CYP4X1: variants seen among roughly 807,000 people sequenced by gnomAD.
The protein encoded by CYP4X1 is cytochrome P450 4X1.
A neutral mutation model predicts 57.9 loss-of-function variants in CYP4X1; 44 were observed. That is an observed-to-expected ratio of 0.76 (90% CI 0.60 to 0.98). The LOEUF (loss-of-function observed/expected upper bound fraction) is 0.98, where lower values mean the gene tolerates loss of function less well. Ranked by LOEUF, CYP4X1 falls within the 50% of genes least tolerant of loss-of-function variation. CYP4X1 has a pLI of 0.00. For missense variants in CYP4X1, 532 were observed against 623.9 expected (o/e 0.85, Z 1.57); for synonymous variants, 227 against 228.6 (o/e 0.99, Z 0.06).
chr1:47,007,001 G>T, the CYP4X1 span, among the ~76,000 whole-genome samples: 1 of 152,214 alleles, frequency 6.6e-6, no homozygotes, highest in Non-Finnish European at 1.5e-5. Flanking sequence ...CACCACTGGG[G>T]CAGGGCATAG....
In CYP4X1 at chr1:47,050,104, T is replaced by TC; in HGVS notation, c.1464dup (p.Asn489GlnfsTer20). 6.2e-7 allele frequency: 1 copy of TC among 1,614,036 alleles called. No individual in the cohort carries two copies. Among genetic ancestry groups the TC allele is most frequent in the Non-Finnish European group, 8.5e-7 (1 of 1,180,000 alleles). ...CCAGACCCCACCAGGCCTCTTACTT[T>TC]CCCCAACCATTTTATCCTCAAGCCC... On this transcript the variant is annotated frameshift_variant, in exon 12 of 12. Transcript: ENST00000371901. LOFTEE classifies it low-confidence loss of function (END_TRUNC).
At chr1:46,993,747 C>G in the CYP4X1 span, among the ~76,000 whole-genome samples, 1 of 152,282 alleles carries the variant, frequency 6.6e-6, no homozygotes, top group African/African-American at 2.4e-5. Context: ...AGTGTCTGTT[C>G]ATATCCTTTG....
chr1:46,975,991 A>G, the CYP4X1 span, among the ~76,000 whole-genome samples: 7,447 of 152,106 alleles, frequency 0.049, 550 homozygotes, highest in African/African-American at 0.15. Flanking sequence ...CAAGATGGCT[A>G]AATAGTAACA....
intron 8 of CYP4X1, among the ~76,000 whole-genome samples, chr1:47,043,973 CTA>C (rs1644274656): frequency 6.6e-6 from 1 of 152,130 alleles, no homozygotes; most frequent in African/African-American, 2.4e-5. Context: ...CGCATTCACT[CTA>C]TGTGTGTTCT....
the CYP4X1 span, among the ~76,000 whole-genome samples, chr1:47,008,304 T>A: frequency 6.6e-6 from 1 of 152,196 alleles, no homozygotes; most frequent in African/African-American, 2.4e-5. Context: ...CAACCCAGAA[T>A]TTCATATCCA....
At chr1:46,983,211 T>G in the CYP4X1 span, among the ~76,000 whole-genome samples, 1 of 152,172 alleles carries the variant, frequency 6.6e-6, no homozygotes, top group East Asian at 1.9e-4. Context: ...GCAGAGGGCA[T>G]GTCTGTTGCC....
chr1:47,019,168 T>TA (rs1033499816), upstream of CYP4X1, among the ~76,000 whole-genome samples: 3 of 152,224 alleles, frequency 2.0e-5, no homozygotes, highest in Non-Finnish European at 2.9e-5. Flanking sequence ...TTTTAATCTA[T>TA]AACTAAGAGC....
At chr1:47,051,390 A>G (rs113792906), downstream of CYP4X1, among the ~76,000 whole-genome samples, 327 of 151,978 alleles carry the variant, frequency 2.2e-3, no homozygotes, top group Non-Finnish European at 3.6e-3. Context: ...AAAAAAAAAA[A>G]AAGGACACCA....
At chr1:47,046,055 C>T (rs994355253) in intron 8 of CYP4X1, among the ~76,000 whole-genome samples, 1 of 152,190 alleles carries the variant, frequency 6.6e-6, no homozygotes, top group Non-Finnish European at 1.5e-5. Flanking sequence ...ATGGGGGAAG[C>T]ACCCTTCCTT....
chr1:46,968,054 T>C, the CYP4X1 span, among the ~76,000 whole-genome samples: 2 of 152,080 alleles, frequency 1.3e-5, no homozygotes, highest in South Asian at 4.2e-4. Flanking sequence ...GTTTTCCCCA[T>C]GTAGAGGGAT....
the CYP4X1 span, among the ~76,000 whole-genome samples, chr1:46,999,779 G>T: frequency 1.3e-5 from 2 of 151,342 alleles, no homozygotes; most frequent in South Asian, 2.1e-4. Flanking sequence ...ACTTGTACAT[G>T]GTATAGGAAA....
At chr1:46,964,599 A>C in the CYP4X1 span, among the ~76,000 whole-genome samples, 1 of 152,106 alleles carries the variant, frequency 6.6e-6, no homozygotes, top group Non-Finnish European at 1.5e-5. Context: ...ATTCCTCTGG[A>C]AATTTTGTCT....
intron 3 of CYP4X1, 77 bp from the exon 4 acceptor site, chr1:47,033,163 AC>A: frequency 6.5e-7 from 1 of 1,530,426 alleles, no homozygotes; most frequent in Non-Finnish European, 8.8e-7. Flanking sequence ...TGGTTACTCC[AC>A]GCTGCCTGTG....
At chr1:46,997,864 G>A in the CYP4X1 span, among the ~76,000 whole-genome samples, 3 of 151,982 alleles carry the variant, frequency 2.0e-5, no homozygotes, top group Non-Finnish European at 4.4e-5. Flanking sequence ...GCCAACATTT[G>A]ATATTTTTAG....
chr1:47,017,474 G>A, the CYP4X1 span, among the ~76,000 whole-genome samples: 1 of 152,120 alleles, frequency 6.6e-6, no homozygotes, highest in Admixed American at 6.5e-5. Flanking sequence ...ACATAGGGCA[G>A]GGGGTGGAGA....
chr1:47,038,843 G>A (rs1644214221), intron 7 of CYP4X1, 77 bp downstream of exon 7: 2 of 1,135,082 alleles, frequency 1.8e-6, no homozygotes, highest in Non-Finnish European at 1.3e-6. Flanking sequence ...GGAATGGGAT[G>A]GGGAGACAAG....
At chr1:46,998,936 AT>A in the CYP4X1 span, among the ~76,000 whole-genome samples, 2 of 151,480 alleles carry the variant, frequency 1.3e-5, no homozygotes, top group Non-Finnish European at 2.9e-5. Context: ...CTATGTGTCT[AT>A]TTTTGTACAA....
chr1:46,980,087 C>A, the CYP4X1 span, among the ~76,000 whole-genome samples: 8 of 152,212 alleles, frequency 5.3e-5, no homozygotes, highest in African/African-American at 1.9e-4. Context: ...TGCCCTCTCT[C>A]ACCACCCCTA....
At chr1:47,008,759 G>A in the CYP4X1 span, among the ~76,000 whole-genome samples, 1 of 152,090 alleles carries the variant, frequency 6.6e-6, no homozygotes, top group African/African-American at 2.4e-5. Context: ...CAAAAAGGCA[G>A]GGGTTGCAAT....
Sources: allele counts gnomAD v4.1 joint callset (sites outside exome capture counted in the v4.1 genomes callset), GRCh38; gene constraint gnomAD v4.1.1; transcripts MANE v1.5; gene names NCBI Gene and HGNC (gene_info 2026-07-23, HGNC 2026-07-21).